Variants in WDPCP observed in about 807,000 individuals in gnomAD.
WDPCP encodes WD repeat containing planar cell polarity effector, also known as WD repeat-containing and planar cell polarity effector protein fritz homolog.
A neutral mutation model predicts 93.1 loss-of-function variants in WDPCP; 71 were observed. That is an observed-to-expected ratio of 0.76 (90% confidence interval 0.63 to 0.93). The LOEUF is 0.93. WDPCP is among the 40% of genes least tolerant of loss of function. WDPCP has a pLI of 0.00. For synonymous variants in WDPCP, 315 were observed against 315.0 expected, an observed-to-expected ratio of 1.00 and a Z score of 0.00; for missense variants, 844 against 887.4, an observed-to-expected ratio of 0.95 and a Z score of 0.62.
At chr2:63,584,095 G>A (rs779603909) in intron 1 of WDPCP, among the ~76,000 whole-genome samples, 1 of 151,822 alleles carries the variant, frequency 6.6e-6, no homozygotes, top group Non-Finnish European at 1.5e-5. Context: ...AGGAAATCGC[G>A]GCTACAGTGA....
intron 2 of WDPCP, among the ~76,000 whole-genome samples, chr2:63,777,574 C>A (rs1047943885): frequency 3.9e-5 from 6 of 152,132 alleles, no homozygotes; most frequent in South Asian, 2.1e-4. Flanking sequence ...AAAATGAAAT[C>A]TCACTTATTA....
At chr2:63,285,388 C>T (rs529968409) in intron 13 of WDPCP, among the ~76,000 whole-genome samples, 39 of 148,046 alleles carry the variant, frequency 2.6e-4, no homozygotes, top group African/African-American at 9.2e-4. Context: ...GAGCTGAGAT[C>T]GTGCCACTGC....
At chr2:63,796,318 T>G (rs1670617565) in intron 2 of WDPCP, among the ~76,000 whole-genome samples, 1 of 152,198 alleles carries the variant, frequency 6.6e-6, no homozygotes, top group Non-Finnish European at 1.5e-5. Flanking sequence ...GATGGTCAAA[T>G]AGAAGCCTCC....
chr2:63,647,042 G>T (rs1016630067), intron 3 of WDPCP, among the ~76,000 whole-genome samples: 4 of 152,048 alleles, frequency 2.6e-5, no homozygotes, highest in African/African-American at 9.7e-5. Context: ...TTAATTCTTA[G>T]ATTTGCCCTT....
intron 13 of WDPCP, among the ~76,000 whole-genome samples, chr2:63,267,429 T>C (rs1195898349): frequency 6.6e-6 from 1 of 152,144 alleles, no homozygotes; most frequent in Non-Finnish European, 1.5e-5. Context: ...GCCTGGGCAA[T>C]GATTTCTTGG....
intron 1 of WDPCP, among the ~76,000 whole-genome samples, chr2:63,586,695 G>C (rs538518110): frequency 2.3e-4 from 35 of 152,320 alleles, no homozygotes; most frequent in African/African-American, 7.9e-4. Flanking sequence ...CAAGGCCCGT[G>C]AACTACCACA....
chr2:63,515,363 T>C (rs191040174), intron 1 of WDPCP, among the ~76,000 whole-genome samples: 165 of 152,182 alleles, frequency 1.1e-3, no homozygotes, highest in African/African-American at 3.8e-3. Flanking sequence ...ATCTCAAATA[T>C]AAACTTCATT....
intron 14 of WDPCP, among the ~76,000 whole-genome samples, chr2:63,216,250 A>G (rs957077031): frequency 6.6e-6 from 1 of 152,214 alleles, no homozygotes; most frequent in South Asian, 2.1e-4. Context: ...ATAAAGACAC[A>G]TGCACACGTA....
At chr2:63,580,940 T>TG in intron 1 of WDPCP, among the ~76,000 whole-genome samples, 1 of 152,190 alleles carries the variant, frequency 6.6e-6, no homozygotes, top group Non-Finnish European at 1.5e-5. Context: ...GATAGTGTGG[T>TG]GGGAACATGT....
chr2:63,808,426 C>T (rs1670803495), intron 2 of WDPCP, among the ~76,000 whole-genome samples: 1 of 151,894 alleles, frequency 6.6e-6, no homozygotes, highest in Non-Finnish European at 1.5e-5. Flanking sequence ...CATCTCGGCT[C>T]ACTGCAGCCT....
chr2:63,420,361 T>TTA (rs1368696608), intron 9 of WDPCP, among the ~76,000 whole-genome samples: 3 of 120,544 alleles, frequency 2.5e-5, no homozygotes, highest in African/African-American at 3.4e-5. Flanking sequence ...CATCTTTACT[T>TTA]AAAAAAAAAA....
chr2:63,123,837 A>G (rs542298373), intron 17 of WDPCP, among the ~76,000 whole-genome samples: 1 of 151,160 alleles, frequency 6.6e-6, no homozygotes, highest in African/African-American at 2.4e-5. Flanking sequence ...TCCACGTTTT[A>G]TTTATTTATT....
intron 5 of WDPCP, 49 bp downstream of exon 5, chr2:63,484,868 T>TC: frequency 6.3e-7 from 1 of 1,594,394 alleles, no homozygotes; most frequent in Non-Finnish European, 8.6e-7. Context: ...GAAAGATGTT[T>TC]TAAAAACAGA....
intron 2 of WDPCP, among the ~76,000 whole-genome samples, chr2:63,723,771 A>C (rs1669461243): frequency 6.6e-6 from 1 of 152,220 alleles, no homozygotes; most frequent in Non-Finnish European, 1.5e-5. Flanking sequence ...ATGGATTATA[A>C]ATCCTTATTA....
chr2:63,138,370 G>C (rs940746009), intron 17 of WDPCP, among the ~76,000 whole-genome samples: 1 of 151,674 alleles, frequency 6.6e-6, no homozygotes, highest in Admixed American at 6.6e-5. Flanking sequence ...GGCAACGCCA[G>C]ATATTGCTAT....
At chr2:63,278,711 C>CAGCT (rs1489462397) in intron 13 of WDPCP, among the ~76,000 whole-genome samples, 2 of 152,084 alleles carry the variant, frequency 1.3e-5, no homozygotes, top group Admixed American at 6.5e-5. Context: ...CCTGTAGTCC[C>CAGCT]AGCTACCAGG....
chr2:63,838,113 T>C, the WDPCP span, among the ~76,000 whole-genome samples: 453 of 146,498 alleles, frequency 3.1e-3, 1 homozygote, highest in Non-Finnish European at 3.1e-3. Flanking sequence ...AAAAAAAGAG[T>C]GGAGAGTAGG....
intron 14 of WDPCP, among the ~76,000 whole-genome samples, chr2:63,193,520 G>A (rs1675196033): frequency 6.6e-6 from 1 of 152,150 alleles, no homozygotes; most frequent in Non-Finnish European, 1.5e-5. Context: ...AGGCCTTGCT[G>A]TGTTTTCCAG....
intron 17 of WDPCP, among the ~76,000 whole-genome samples, chr2:63,145,091 G>A (rs1671390733): frequency 6.6e-6 from 1 of 152,182 alleles, no homozygotes; most frequent in Admixed American, 6.5e-5. Context: ...TGTCTGCACA[G>A]AGTCCTGTGA....
Sources: gnomAD v4.1 joint callset for allele counts (sites outside exome capture counted in the v4.1 genomes callset) on GRCh38, gnomAD v4.1.1 for gene constraint, MANE v1.5 for transcripts, NCBI Gene and HGNC (gene_info 2026-07-23, HGNC 2026-07-21) for gene names.